Variants in COL22A1 observed in about 807,000 individuals in gnomAD.
The protein encoded by COL22A1 is collagen alpha-1(XXII) chain.
Under a neutral mutation model 248.9 loss-of-function variants are expected in COL22A1, and 221 were observed. The observed-to-expected ratio is 0.89, with a 90% CI of 0.80 to 0.99. The LOEUF (loss-of-function observed/expected upper bound fraction) is 0.99. COL22A1 is among the 50% of genes least tolerant of loss of function. The probability of loss-of-function intolerance (pLI) is 0.00; values close to 1 mark genes in which losing one functional copy is unlikely to be tolerated. For missense variants in COL22A1, 2,240 were observed against 2,179.0 expected (o/e 1.03, Z -0.56); for synonymous variants, 891 against 793.4 (o/e 1.12, Z -2.07).
intron 7 of COL22A1, among the ~76,000 whole-genome samples, chr8:138,820,497 G>A (rs1352576093): frequency 2.0e-5 from 3 of 152,222 alleles, no homozygotes; most frequent in East Asian, 1.9e-4. Flanking sequence ...GAAGAGAAAT[G>A]AAGTAAGGAG....
chr8:138,691,360 G>T (rs897942362), intron 35 of COL22A1, among the ~76,000 whole-genome samples: 1 of 150,820 alleles, frequency 6.6e-6, no homozygotes, highest in African/African-American at 2.4e-5. Context: ...CGTTTGTGGA[G>T]ATGTGTGTAT....
intron 52 of COL22A1, among the ~76,000 whole-genome samples, chr8:138,621,431 C>G (rs2131944859): frequency 6.6e-6 from 1 of 152,304 alleles, no homozygotes; most frequent in East Asian, 1.9e-4. Flanking sequence ...TCCTCCCTCC[C>G]TCACTGATTC....
chr8:138,685,920 A>G (rs1372144551), intron 37 of COL22A1, among the ~76,000 whole-genome samples: 3 of 152,140 alleles, frequency 2.0e-5, no homozygotes, highest in Non-Finnish European at 4.4e-5. Context: ...ACGACCTCCC[A>G]CCCAGTGCGG....
rs1200450475 is a variant in COL22A1, at chr8:138,606,432, C to T, written c.4053G>A (p.Gly1351=). ...CAGGAAGTCCTGGGCTGCCATTTTC[C>T]CCTTTGCTTCCTTTCTGGCCCTGCA... ...SGTPGQKGSK[G]ENGSPGLPGF... is the part of the protein sequence containing the mutation. The change falls in exon 58 of 65, where the codon GGG becomes GGA. Residue 1351 remains glycine (G), a synonymous_variant. Transcript: ENST00000303045. The T allele has an allele frequency of 6.2e-7, 1 of 1,613,630 alleles. No homozygotes were observed. The highest frequency in any genetic ancestry group is 1.3e-5 in the African/African-American group (1 of 74,918).
rs189798018 is a variant in COL22A1, at chr8:138,740,979, T to C, written c.2086-3402A>G. Among the ~76,000 whole-genome samples, 419 of 152,304 alleles carry C rather than the reference T, an allele frequency of 2.8e-3. 6 individuals are homozygous for C. Among genetic ancestry groups the C allele is most frequent in the Admixed American group, 0.024 (374 of 15,302 alleles). ...CTTCAGGCCCTCCTGGGCCAACCTC[T>C]GCAGGCATCTGAGCTGTTTGATTTG... On this transcript the variant is annotated intron_variant, in intron 22 of 64. Transcript: ENST00000303045.
intron 2 of COL22A1, among the ~76,000 whole-genome samples, chr8:138,880,830 A>G (rs868350027): frequency 2.0e-5 from 3 of 152,240 alleles, no homozygotes; most frequent in Non-Finnish European, 4.4e-5. Context: ...GGCCAGGCAG[A>G]ACCCGGCCTG....
At chr8:138,805,482 G>A (rs997325475) in intron 10 of COL22A1, among the ~76,000 whole-genome samples, 6 of 82,346 alleles carry the variant, frequency 7.3e-5, no homozygotes, top group Non-Finnish European at 1.2e-4. Flanking sequence ...GATATGGGAT[G>A]GCATGTGATG....
chr8:138,633,663 T>C (rs1820913579), intron 49 of COL22A1, among the ~76,000 whole-genome samples: 1 of 152,240 alleles, frequency 6.6e-6, no homozygotes, highest in African/African-American at 2.4e-5. Context: ...CCCTCTTTGC[T>C]TAACACTAAC....
chr8:138,644,163 T>C (rs371204896), intron 47 of COL22A1, among the ~76,000 whole-genome samples: 15 of 152,284 alleles, frequency 9.9e-5, no homozygotes, highest in African/African-American at 3.6e-4. Context: ...TGAACACAGG[T>C]ATTTGACACT....
intron 24 of COL22A1, 143 bp downstream of exon 24, chr8:138,725,244 G>A (rs571972489): frequency 1.9e-5 from 16 of 862,548 alleles, no homozygotes; most frequent in Admixed American, 5.3e-5. Context: ...GCGGTTCTAC[G>A]TGTCGGGGTC....
intron 52 of COL22A1, among the ~76,000 whole-genome samples, chr8:138,620,941 GCATCCATCCATC>G (rs754305152): frequency 0.054 from 6,793 of 126,742 alleles, 193 homozygotes; most frequent in African/African-American, 0.068. Flanking sequence ...AACCAACCAA[GCATCCATCCATC>G]CATCCATCCA....
intron 4 of COL22A1, among the ~76,000 whole-genome samples, chr8:138,841,257 C>T (rs913034124): frequency 1.3e-5 from 2 of 152,186 alleles, no homozygotes; most frequent in African/African-American, 4.8e-5. Flanking sequence ...ACTCTTAAGA[C>T]ACAAAGAATA....
At chr8:138,613,081 T>C (rs1819013216) in intron 56 of COL22A1, among the ~76,000 whole-genome samples, 1 of 149,396 alleles carries the variant, frequency 6.7e-6, no homozygotes, top group Non-Finnish European at 1.5e-5. Flanking sequence ...ACCCCGTCTC[T>C]ACTAAAAATA....
chr8:138,865,596 T>G (rs1822810301), intron 3 of COL22A1, among the ~76,000 whole-genome samples: 1 of 151,812 alleles, frequency 6.6e-6, no homozygotes, highest in Non-Finnish European at 1.5e-5. Flanking sequence ...AGTGTATGTG[T>G]GTGTATGTTT....
intron 16 of COL22A1, among the ~76,000 whole-genome samples, chr8:138,762,965 C>T (rs991839512): frequency 5.9e-5 from 9 of 152,312 alleles, no homozygotes; most frequent in South Asian, 2.1e-4. Flanking sequence ...TACATTCAGA[C>T]GGAGCTGACT....
intron 43 of COL22A1, among the ~76,000 whole-genome samples, 187 bp downstream of exon 43, chr8:138,661,843 C>T (rs1429066657): frequency 2.0e-5 from 3 of 152,122 alleles, no homozygotes; most frequent in Non-Finnish European, 4.4e-5. Flanking sequence ...CTGGATAATA[C>T]AAAATTATGA....
chr8:138,704,542 A>G (rs2131003753), intron 30 of COL22A1, among the ~76,000 whole-genome samples: 1 of 152,338 alleles, frequency 6.6e-6, no homozygotes, highest in African/African-American at 2.4e-5. Flanking sequence ...AGAAAACTTC[A>G]ACAGACCTGC....
Position 138,778,132 on chromosome 8 carries a change from G to A in COL22A1, c.1758+221C>T, listed in dbSNP as rs999721875. On this transcript the variant is annotated intron_variant, in intron 15 of 64. Transcript: ENST00000303045. The stretch of plus-strand genomic sequence containing the variant: ...ACCCTGCTTCTTGATGTGAGAAAGG[G>A]GTCCCAGGAATATGCATTTAAACTT... 6.7e-5 allele frequency: 41 copies of A among 615,358 alleles called. No individual in the cohort carries two copies. In the African/African-American group the frequency reaches 7.4e-4, roughly 11 times the overall value. The allele number at this position is 615,358 out of a possible 1,614,324, so 38.1% of individuals were successfully genotyped here. A position where few individuals can be genotyped will look rare whatever the true frequency, so the allele number is the denominator to read the frequency against.
intron 22 of COL22A1, 54 bp from the exon 23 acceptor site, chr8:138,737,631 G>C (rs758539681): frequency 2.5e-6 from 3 of 1,222,972 alleles, no homozygotes; most frequent in Non-Finnish European, 2.4e-6. Flanking sequence ...TCAACCAGAG[G>C]GGGTTTAATA....
Sources: allele counts gnomAD v4.1 joint callset (sites outside exome capture counted in the v4.1 genomes callset), GRCh38; gene constraint gnomAD v4.1.1; transcripts MANE v1.5; gene names NCBI Gene and HGNC (gene_info 2026-07-23, HGNC 2026-07-21).